Variants in STK38 observed in about 807,000 individuals in gnomAD.
STK38 encodes serine/threonine kinase 38.
STK38 carries 26 observed loss-of-function variants against 59.0 expected under a neutral mutation model. The observed-to-expected ratio is 0.44, with a 90% CI of 0.32 to 0.61. The LOEUF (loss-of-function observed/expected upper bound fraction) is 0.61. Ranked by LOEUF, STK38 falls within the 20% of genes least tolerant of loss-of-function variation. The pLI is 0.04. For synonymous variants in STK38, 175 were observed against 176.6 expected (o/e 0.99, Z 0.07); for missense variants, 433 against 566.0 (o/e 0.76, Z 2.38).
chr6:36,526,778 C>A (rs1270798819), intron 2 of STK38, among the ~76,000 whole-genome samples: 1 of 152,028 alleles, frequency 6.6e-6, no homozygotes, highest in Non-Finnish European at 1.5e-5. Context: ...CCTGTAATCC[C>A]AGCTACTTGG....
intron 9 of STK38, 50 bp downstream of exon 9, chr6:36,506,533 C>T (rs776843133): frequency 3.8e-6 from 6 of 1,565,282 alleles, no homozygotes; most frequent in South Asian, 1.1e-5. Context: ...ATCTTTTGAA[C>T]TTATTCATAC....
chr6:36,499,159 T>C (rs1310736412), intron 10 of STK38, among the ~76,000 whole-genome samples: 2 of 152,162 alleles, frequency 1.3e-5, no homozygotes, highest in Non-Finnish European at 2.9e-5. Context: ...AACAATATCA[T>C]TCCAGAAATA....
At chr6:36,513,772 G>A (rs1027445631) in intron 7 of STK38, among the ~76,000 whole-genome samples, 1 of 150,890 alleles carries the variant, frequency 6.6e-6, no homozygotes, top group African/African-American at 2.4e-5. Flanking sequence ...GAGAGGCTGA[G>A]GTGGGAGGAT....
chr6:36,509,196 T>C (rs1368414242), intron 7 of STK38, among the ~76,000 whole-genome samples: 1 of 152,110 alleles, frequency 6.6e-6, no homozygotes, highest in Non-Finnish European at 1.5e-5. Context: ...AACTGGAGCA[T>C]GAACAAGGTG....
chr6:36,507,595 A>G lies in STK38; in HGVS notation c.677T>C (p.Val226Ala). The stretch of plus-strand genomic sequence containing the variant: ...GCAAAGACCAAAGTCAGAAAGTTTC[A>G]CATGGCCCTATGGGGAAGAAACAAG... ...DNLLLDSKGH[V>A]KLSDFGLCTG... The change falls in exon 8 of 14, where the codon GTG (valine) becomes GCG (alanine). Residue 226 changes from valine to alanine, a missense_variant. Physicochemically the swap from Val to Ala is moderately conservative, Grantham distance 64. Transcript: ENST00000229812. 6 of 1,613,936 alleles carry G rather than the reference A, an allele frequency of 3.7e-6. No individual in the cohort carries two copies. Among genetic ancestry groups the G allele is most frequent in the Non-Finnish European group, 5.1e-6 (6 of 1,179,840 alleles).
At position 36,547,430 on chromosome 6, in the gene STK38, C is replaced by G. The variant is rs1340964775; in HGVS notation, c.-246G>C. The G allele has an allele frequency of 6.6e-6, 1 of 152,262 alleles. No homozygotes were observed. The highest frequency in any genetic ancestry group is 1.9e-4 in the East Asian group (1 of 5,194). 9.4% of individuals were successfully genotyped at this position (152,262 alleles called of 1,614,324 possible). A position where few individuals can be genotyped will look rare whatever the true frequency, so the allele number is the denominator to read the frequency against. The stretch of plus-strand genomic sequence containing the variant: ...CTGAGGGGCCAAGGCAGCCCGGTCC[C>G]CCGCCGCGGAGACGGGCTGGCGCGG... On this transcript the variant is annotated 5_prime_UTR_variant, in exon 1 of 14. Coordinates refer to ENST00000229812, the MANE Select transcript of STK38 (RefSeq NM_007271.4).
At position 36,515,361 on chromosome 6, in the gene STK38, C is replaced by T; in HGVS notation, c.646G>A (p.Asp216Asn). Reference sequence around the variant, plus strand: ...ACCTTGCTGTCCAAAAGAAGGTTGTCTGGTTTGATGTCTCTGTGGATGAAT... The same window carrying T: ...ACCTTGCTGTCCAAAAGAAGGTTGTTTGGTTTGATGTCTCTGTGGATGAAT... ...LGFIHRDIKP[D>N]NLLLDSKGHV... Residue 216 changes from aspartate (D) to asparagine (N), a missense_variant, in exon 7 of 14, where the codon GAC becomes AAC. This residue lies in a region of STK38 where 293 missense variants were observed against 388.2 expected (regional missense o/e 0.75). Coordinates refer to ENST00000229812, the MANE Select transcript of STK38 (RefSeq NM_007271.4). The T allele has an allele frequency of 6.2e-7, 1 of 1,614,026 alleles. No homozygotes were observed. The highest frequency in any genetic ancestry group is 8.5e-7 in the Non-Finnish European group (1 of 1,179,982).
At chr6:36,515,307 T>G in intron 7 of STK38, 31 bp downstream of exon 7, 9 of 1,609,576 alleles carry the variant, frequency 5.6e-6, no homozygotes, top group Non-Finnish European at 7.6e-6. Context: ...TCAGTAAACG[T>G]GCATAGTTCA....
intron 5 of STK38, among the ~76,000 whole-genome samples, chr6:36,518,806 T>G (rs766148272): frequency 2.6e-5 from 4 of 152,224 alleles, no homozygotes; most frequent in Non-Finnish European, 5.9e-5. Context: ...AATCCCTGAA[T>G]AGTGGTTTTG....
intron 2 of STK38, among the ~76,000 whole-genome samples, chr6:36,531,997 T>C (rs1015011168): frequency 1.3e-5 from 2 of 152,302 alleles, no homozygotes; most frequent in Non-Finnish European, 2.9e-5. Context: ...AAATGAAAAT[T>C]TGTATTACAA....
rs1378249256 is a variant in STK38, at chr6:36,521,827, T to C, written c.307-10A>G. The C allele has an allele frequency of 1.2e-6, 2 of 1,606,734 alleles. No individual in the cohort carries two copies. Among genetic ancestry groups the C allele is most frequent in the Non-Finnish European group, 8.5e-7 (1 of 1,178,110 alleles). Reference sequence around the variant, plus strand: ...TCTGAACAAGCCGTACCTAAAAAGTTATAAAAGAAATGCCAAGTCAAAAAC... The same window carrying C: ...TCTGAACAAGCCGTACCTAAAAAGTCATAAAAGAAATGCCAAGTCAAAAAC... On this transcript the variant is annotated splice_polypyrimidine_tract_variant and intron_variant, in intron 4 of 13. Transcript: ENST00000229812.
chr6:36,524,268 T>C (rs540219288), intron 4 of STK38, 73 bp downstream of exon 4: 4 of 1,523,264 alleles, frequency 2.6e-6, no homozygotes, highest in Admixed American at 2.2e-5. Context: ...TCAACAATCA[T>C]GACTTAATGG....
At chr6:36,539,764 T>TC (rs1489875355) in intron 2 of STK38, among the ~76,000 whole-genome samples, 2 of 150,958 alleles carry the variant, frequency 1.3e-5, no homozygotes, top group African/African-American at 2.4e-5. Context: ...TTTTTTTTTT[T>TC]TTTAAGATAC....
At chr6:36,497,934 C>CTTTCTT (rs1472537926) in intron 11 of STK38, 59 bp from the exon 12 acceptor site, 7 of 1,024,040 alleles carry the variant, frequency 6.8e-6, no homozygotes, top group South Asian at 1.6e-5. Flanking sequence ...AAAAGAAAAA[C>CTTTCTT]TTTCTTTTTT....
chr6:36,500,666 A>C (rs1776815145), intron 9 of STK38, among the ~76,000 whole-genome samples: 1 of 149,108 alleles, frequency 6.7e-6, no homozygotes, highest in Non-Finnish European at 1.5e-5. Context: ...AGGCTGAGGC[A>C]GGAGAATCGC....
chr6:36,496,376 G>C lies in STK38; in HGVS notation c.1267+335C>G, dbSNP rs930939575. 3.3e-5 allele frequency among the ~76,000 whole-genome samples: 5 copies of C among 152,072 alleles called. No homozygotes were observed. In the East Asian group the frequency reaches 9.6e-4, roughly 29 times the overall value. On this transcript the variant is annotated intron_variant, in intron 13 of 13. Transcript: ENST00000229812. ...GAATTTTCCACATTTTCTTGCTCATGTTCTTTAAATCTCATATTTCTTCAC... is the reference window on the plus strand; with the variant it reads ...GAATTTTCCACATTTTCTTGCTCATCTTCTTTAAATCTCATATTTCTTCAC...
At chr6:36,521,990 C>A (rs188074292) in intron 4 of STK38, among the ~76,000 whole-genome samples, 173 bp from the exon 5 acceptor site, 1 of 152,320 alleles carries the variant, frequency 6.6e-6, no homozygotes, top group East Asian at 1.9e-4. Context: ...GAATACATTA[C>A]ACACAGTAAA....
At chr6:36,509,345 C>G (rs1476828609) in intron 7 of STK38, among the ~76,000 whole-genome samples, 1 of 152,160 alleles carries the variant, frequency 6.6e-6, no homozygotes, top group African/African-American at 2.4e-5. Context: ...CAGACGCAGG[C>G]AGGTCATCCC....
intron 7 of STK38, among the ~76,000 whole-genome samples, chr6:36,512,254 A>G (rs1285106870): frequency 1.3e-5 from 2 of 152,196 alleles, no homozygotes; most frequent in Non-Finnish European, 2.9e-5. Context: ...TGCTTATGAG[A>G]ACATTTTGCT....
Sources: allele counts gnomAD v4.1 joint callset (sites outside exome capture counted in the v4.1 genomes callset), GRCh38; gene constraint gnomAD v4.1.1; regional missense constraint gnomAD v4.1.1; transcripts MANE v1.5; gene names NCBI Gene and HGNC (gene_info 2026-07-23, HGNC 2026-07-21).